Variants in CASC3 observed in about 807,000 individuals in gnomAD.
CASC3 encodes CASC3 exon junction complex subunit.
Under a neutral mutation model 80.5 loss-of-function variants are expected in CASC3, and 30 were observed. That is an observed-to-expected ratio of 0.37 (90% CI 0.28 to 0.51). CASC3 has a LOEUF of 0.51. CASC3 is among the 20% of genes least tolerant of loss of function. CASC3 has a pLI of 0.94. For missense variants in CASC3, 824 were observed against 922.2 expected (o/e 0.89, Z 1.38); for synonymous variants, 312 against 333.6 (o/e 0.94, Z 0.70).
intron 7 of CASC3, among the ~76,000 whole-genome samples, chr17:40,164,842 G>C (rs575484170): frequency 9.9e-4 from 128 of 129,696 alleles, no homozygotes; most frequent in African/African-American, 3.6e-3. Flanking sequence ...TACAACCTCT[G>C]CGTCCAGGGC....
chr17:40,149,694 T>C (rs1988949696), intron 3 of CASC3, among the ~76,000 whole-genome samples: 1 of 151,070 alleles, frequency 6.6e-6, no homozygotes, highest in Non-Finnish European at 1.5e-5. Context: ...AGGAAAGGTA[T>C]GTGCAAAGGA....
At chr17:40,150,063 CTGTGTTT>C (rs1988961139) in intron 3 of CASC3, among the ~76,000 whole-genome samples, 1 of 151,808 alleles carries the variant, frequency 6.6e-6, no homozygotes, top group South Asian at 2.1e-4. Flanking sequence ...GCGTTCCTTT[CTGTGTTT>C]TGTTTTTGTG....
intron 7 of CASC3, among the ~76,000 whole-genome samples, chr17:40,165,882 C>A (rs1989438056): frequency 6.6e-6 from 1 of 151,694 alleles, no homozygotes; most frequent in Non-Finnish European, 1.5e-5. Flanking sequence ...CCTCCCATCT[C>A]AGCCTCCTCA....
chr17:40,140,955 A>C, intron 1 of CASC3, 176 bp downstream of exon 1: 1 of 643,324 alleles, frequency 1.6e-6, no homozygotes, highest in Non-Finnish European at 2.6e-6. Context: ...CCAAGGGAAG[A>C]AGAAGGATTG....
intron 6 of CASC3, among the ~76,000 whole-genome samples, 187 bp from the exon 7 acceptor site, chr17:40,163,294 T>C (rs1247643418): frequency 1.3e-5 from 2 of 151,978 alleles, no homozygotes; most frequent in Non-Finnish European, 2.9e-5. Flanking sequence ...ACTATCGCGA[T>C]CGGCTAATTT....
At chr17:40,150,022 A>G (rs1168460507) in intron 3 of CASC3, among the ~76,000 whole-genome samples, 1 of 152,186 alleles carries the variant, frequency 6.6e-6, no homozygotes, top group South Asian at 2.1e-4. Flanking sequence ...TTCCATTGTA[A>G]TTACAAAGAA....
Position 40,163,552 on chromosome 17 carries a change from G to C in CASC3, c.857G>C (p.Gly286Ala). The C allele has an allele frequency of 6.2e-7, 1 of 1,614,064 alleles. No homozygotes were observed. Among genetic ancestry groups the C allele is most frequent in the Non-Finnish European group, 8.5e-7 (1 of 1,179,984 alleles). The change falls in exon 7 of 14, where the codon GGT (glycine) becomes GCT (alanine). Residue 286 changes from glycine to alanine, a missense_variant. This residue lies in a region of CASC3 where 201 missense variants were observed against 294.1 expected (regional missense o/e 0.68). Transcript: ENST00000264645. ...CTAAACAAGTCTCATCGCCACCAGG[G>C]TCTTGGGGGCACCCTACCACCAAGG... is the stretch of plus-strand genomic sequence containing the variant. Reference protein sequence around the residue: ...ERLNKSHRHQGLGGTLPPRTF... With the variant: ...ERLNKSHRHQALGGTLPPRTF...
At chr17:40,148,612 G>T (rs1988917559) in intron 3 of CASC3, among the ~76,000 whole-genome samples, 1 of 151,950 alleles carries the variant, frequency 6.6e-6, no homozygotes, top group East Asian at 1.9e-4. Flanking sequence ...CACCCACCTT[G>T]GCCTCCCAAA....
At chr17:40,156,637 C>T (rs1476029433) in intron 3 of CASC3, among the ~76,000 whole-genome samples, 2 of 151,634 alleles carry the variant, frequency 1.3e-5, no homozygotes, top group Non-Finnish European at 2.9e-5. Context: ...TGCAGTGAGC[C>T]GAGATCCAGC....
chr17:40,147,768 A>G (rs1243937798), intron 3 of CASC3, among the ~76,000 whole-genome samples: 1 of 152,190 alleles, frequency 6.6e-6, no homozygotes, highest in Non-Finnish European at 1.5e-5. Flanking sequence ...TAGGTTTTGG[A>G]TGTTTTGAGA....
intron 7 of CASC3, among the ~76,000 whole-genome samples, chr17:40,164,775 T>G (rs967629626): frequency 3.8e-5 from 5 of 133,096 alleles, no homozygotes; most frequent in African/African-American, 1.1e-4. Flanking sequence ...TTTTTTTTTG[T>G]GACAGAGACT....
At chr17:40,142,685 G>A (rs181937669) in intron 3 of CASC3, among the ~76,000 whole-genome samples, 4 of 152,168 alleles carry the variant, frequency 2.6e-5, no homozygotes, top group East Asian at 3.9e-4. Flanking sequence ...TCAGGAGATC[G>A]AAACCGTCCT....
In CASC3 at chr17:40,169,742, C is replaced by CTTT. The variant is rs56186811; in HGVS notation, c.*41+109_*41+111dup. On this transcript the variant is annotated intron_variant, in intron 13 of 13. Transcript: ENST00000264645. ...ATAAACAAAAATCACTTAATTAATG[C>CTTT]TTTTTTTTTTTTTTTTTTTTTTTTT... The CTTT allele has an allele frequency of 1.1e-3, 108 of 96,512 alleles. 14 individuals carry two copies. The highest frequency in any genetic ancestry group is 4.3e-3 in the East Asian group (8 of 1,856). 6.0% of individuals were successfully genotyped at this position (96,512 alleles called of 1,614,324 possible).
intron 3 of CASC3, among the ~76,000 whole-genome samples, chr17:40,152,259 T>G (rs1989029662): frequency 6.6e-6 from 1 of 152,196 alleles, no homozygotes; most frequent in South Asian, 2.1e-4. Context: ...CACCTCAGCC[T>G]CCTCAATAGC....
chr17:40,156,480 A>G (rs973408728), intron 3 of CASC3, among the ~76,000 whole-genome samples: 1 of 151,984 alleles, frequency 6.6e-6, no homozygotes, highest in Non-Finnish European at 1.5e-5. Context: ...AGGTCAGGAG[A>G]TCGAGACCAT....
chr17:40,145,838 C>CA (rs1216431359), intron 3 of CASC3, among the ~76,000 whole-genome samples: 1 of 151,760 alleles, frequency 6.6e-6, no homozygotes, highest in Non-Finnish European at 1.5e-5. Flanking sequence ...ACCATGTTGG[C>CA]AAGGCTGGTC....
At chr17:40,155,321 A>C (rs555689004) in intron 3 of CASC3, among the ~76,000 whole-genome samples, 5 of 151,590 alleles carry the variant, frequency 3.3e-5, no homozygotes, top group South Asian at 2.1e-4. Context: ...CAGTGTCGCT[A>C]TCTTGGCTCA....
At chr17:40,153,502 T>C (rs912503233) in intron 3 of CASC3, among the ~76,000 whole-genome samples, 1 of 152,220 alleles carries the variant, frequency 6.6e-6, no homozygotes, top group African/African-American at 2.4e-5. Flanking sequence ...TCACTTCTTT[T>C]TGACTATGTA....
intron 3 of CASC3, among the ~76,000 whole-genome samples, chr17:40,145,675 T>A (rs1436217913): frequency 6.6e-6 from 1 of 151,868 alleles, no homozygotes; most frequent in East Asian, 1.9e-4. Flanking sequence ...GAATCAAGAT[T>A]GTATCACTGT....
Sources: allele counts gnomAD v4.1 joint callset (sites outside exome capture counted in the v4.1 genomes callset), GRCh38; gene constraint gnomAD v4.1.1; regional missense constraint gnomAD v4.1.1; transcripts MANE v1.5; gene names NCBI Gene and HGNC (gene_info 2026-07-23, HGNC 2026-07-21).